Variants in DYNC2H1 observed in about 807,000 individuals in gnomAD.
The protein encoded by DYNC2H1 is dynein cytoplasmic 2 heavy chain 1.
DYNC2H1 carries 410 observed loss-of-function variants against 570.0 expected under a neutral mutation model. The observed-to-expected ratio is 0.72, with a 90% CI of 0.66 to 0.78. The LOEUF (loss-of-function observed/expected upper bound fraction) is 0.78, where lower values mean the gene tolerates loss of function less well. Ranked by LOEUF, DYNC2H1 falls within the 30% of genes least tolerant of loss-of-function variation. The pLI, the probability that DYNC2H1 is intolerant of heterozygous loss-of-function variation, is 0.00. For synonymous variants in DYNC2H1, 1,688 were observed against 1,677.6 expected (o/e 1.01, Z -0.15); for missense variants, 4,865 against 5,046.4 (o/e 0.96, Z 1.09).
intron 6 of DYNC2H1, among the ~76,000 whole-genome samples, chr11:103,119,812 A>G (rs1050442524): frequency 6.6e-6 from 1 of 152,316 alleles, no homozygotes; most frequent in East Asian, 1.9e-4. Context: ...TTAGTTATCA[A>G]TGCTGTTAGG....
At chr11:103,191,214 A>AT (rs1212601394) in intron 45 of DYNC2H1, among the ~76,000 whole-genome samples, 9 of 150,338 alleles carry the variant, frequency 6.0e-5, no homozygotes, top group South Asian at 4.2e-4. Context: ...CAATTTTTAT[A>AT]TTTTTTTTAG....
chr11:103,113,963 A>G lies in DYNC2H1; in HGVS notation c.367-140A>G, dbSNP rs1858244060. The G allele has an allele frequency of 3.9e-6, 4 of 1,030,542 alleles. No individual in the cohort carries two copies. The Admixed American group carries it at 8.9e-5, about 23-fold the overall frequency. 63.8% of individuals were successfully genotyped at this position (1,030,542 alleles called of 1,614,324 possible). On this transcript the variant is annotated intron_variant, in intron 2 of 88. Transcript: ENST00000375735. ...ATGCTTTTCATAGTTTTAACTGTTGAGAGGACTTTTTATTCTTCTTATGAA... is the reference window on the plus strand; with the variant it reads ...ATGCTTTTCATAGTTTTAACTGTTGGGAGGACTTTTTATTCTTCTTATGAA...
intron 82 of DYNC2H1, among the ~76,000 whole-genome samples, chr11:103,352,195 T>C (rs1940087791): frequency 6.6e-6 from 1 of 152,078 alleles, no homozygotes; most frequent in South Asian, 2.1e-4. Flanking sequence ...GTCTTTTCAG[T>C]GAACCAACTT....
At chr11:103,387,769 C>T (rs570288705) in intron 83 of DYNC2H1, among the ~76,000 whole-genome samples, 1 of 152,252 alleles carries the variant, frequency 6.6e-6, no homozygotes, top group East Asian at 1.9e-4. Context: ...AATCCTTTCC[C>T]CATTTCTTGT....
At chr11:103,220,475 T>C in intron 56 of DYNC2H1, 148 bp from the exon 57 acceptor site, 2 of 791,462 alleles carry the variant, frequency 2.5e-6, no homozygotes, top group Non-Finnish European at 3.7e-6. Flanking sequence ...ACACCTTGTA[T>C]GATTGAAAGC....
At chr11:103,269,427 AC>A (rs1187536702) in intron 70 of DYNC2H1, among the ~76,000 whole-genome samples, 2 of 152,176 alleles carry the variant, frequency 1.3e-5, no homozygotes, top group African/African-American at 4.8e-5. Flanking sequence ...ACATTAAACT[AC>A]CTGCTAGGTT....
At chr11:103,429,481 A>G (rs1362508229) in intron 84 of DYNC2H1, among the ~76,000 whole-genome samples, 1 of 152,112 alleles carries the variant, frequency 6.6e-6, no homozygotes, top group Non-Finnish European at 1.5e-5. Flanking sequence ...ATTGAATGCT[A>G]CAGAAATACT....
At chr11:103,309,558 A>G (rs1370063484) in intron 78 of DYNC2H1, among the ~76,000 whole-genome samples, 4 of 132,392 alleles carry the variant, frequency 3.0e-5, no homozygotes, top group South Asian at 2.4e-4. Flanking sequence ...TCATTTAAGG[A>G]AAAAAAAAAG....
intron 88 of DYNC2H1, among the ~76,000 whole-genome samples, chr11:103,476,417 A>T (rs1945549165): frequency 6.6e-6 from 1 of 152,134 alleles, no homozygotes; most frequent in South Asian, 2.1e-4. Context: ...CTAAAGTAAA[A>T]ATTCAAAGGA....
rs879453459 is a variant in DYNC2H1 at position 103,362,320 on chromosome 11, CTTTTTT to C, written c.12156+3968_12156+3973del. Among the ~76,000 whole-genome samples, 12 of 71,606 alleles carry C rather than the reference CTTTTTT, an allele frequency of 1.7e-4. No individual in the cohort carries two copies. The East Asian group carries it at 2.0e-3, about 12-fold the overall frequency. The allele number at this position is 71,606 out of a possible 152,430, so 47.0% of individuals were successfully genotyped here. A position where few individuals can be genotyped will look rare whatever the true frequency, so the allele number is the denominator to read the frequency against. On this transcript the variant is annotated intron_variant, in intron 83 of 88. Transcript: ENST00000375735. The stretch of plus-strand genomic sequence containing the variant: ...GCTTCTTAAATATATTAATTTTTTT[CTTTTTT>C]TTTTTTCTTTTTTTTTTTTTTTTAG...
rs766595996 is a variant in DYNC2H1, at chr11:103,147,808, C to G, written c.2739C>G (p.Asn913Lys). The G allele has an allele frequency of 1.9e-6, 3 of 1,609,724 alleles. No individual in the cohort carries two copies. Among genetic ancestry groups the G allele is most frequent in the African/African-American group, 2.7e-5 (2 of 74,738 alleles). Residue 913 changes from asparagine to lysine, a missense_variant, in exon 19 of 89, where the codon AAC becomes AAG. Physicochemically the swap from Asn to Lys is moderately conservative, Grantham distance 94. Coordinates refer to ENST00000375735, the MANE Select transcript of DYNC2H1 (RefSeq NM_001377.3). ...TAGATTGTTTAAATATTAATTGCAA[C>G]CCTGTGAAGACTGTGATTGATGATC... ...VKVDCLNINC[N>K]PVKTVIDDLI...
chr11:103,424,938 C>A (rs1375441398), intron 84 of DYNC2H1, among the ~76,000 whole-genome samples: 1 of 152,042 alleles, frequency 6.6e-6, no homozygotes, highest in Non-Finnish European at 1.5e-5. Context: ...ACACAGATTT[C>A]TTGTTTTGTT....
rs747028260 is a variant in DYNC2H1, at chr11:103,135,761, G to T, written c.2387G>T (p.Arg796Leu). The T allele has an allele frequency of 1.9e-6, 3 of 1,611,512 alleles. No homozygotes were observed. Among genetic ancestry groups the T allele is most frequent in the Non-Finnish European group, 2.5e-6 (3 of 1,178,772 alleles). The change falls in exon 17 of 89, where the codon CGG (arginine) becomes CTG (leucine). Residue 796 changes from arginine (R) to leucine (L), a missense_variant. By Grantham distance (102) the Arg-to-Leu change is moderately radical. This residue lies in a region of DYNC2H1 where 1,936 missense variants were observed against 1,962.1 expected (regional missense o/e 0.99). Coordinates refer to ENST00000375735, the MANE Select transcript of DYNC2H1 (RefSeq NM_001377.3). ...TTCAGGCCCCCTTTTGAAGAAATCCGGGCTAAATATTATAGAGAAATGAAG... is the reference window on the plus strand; with the variant it reads ...TTCAGGCCCCCTTTTGAAGAAATCCTGGCTAAATATTATAGAGAAATGAAG... ...LQFRPPFEEI[R>L]AKYYREMKRF... is the part of the protein sequence containing the mutation.
At chr11:103,423,114 G>A (rs1943545120) in intron 84 of DYNC2H1, among the ~76,000 whole-genome samples, 1 of 151,800 alleles carries the variant, frequency 6.6e-6, no homozygotes, top group Non-Finnish European at 1.5e-5. Flanking sequence ...ACATTATGAA[G>A]ATATTGTCAT....
In DYNC2H1 at chr11:103,235,825, G is replaced by A. The variant is rs1864197228; in HGVS notation, c.9709+12G>A. ...AGCTGGTCTTGAGAGTTTGTATTTA[G>A]TTATTCCTGATCTTGAGAGTTTGTA... On this transcript the variant is annotated intron_variant, in intron 62 of 88. Transcript: ENST00000375735. 1 of 1,609,240 alleles carries A rather than the reference G, an allele frequency of 6.2e-7. No homozygotes were observed. The highest frequency in any genetic ancestry group is 1.7e-5 in the Admixed American group (1 of 59,674).
intron 50 of DYNC2H1, among the ~76,000 whole-genome samples, chr11:103,202,266 A>G (rs1227208073): frequency 7.0e-6 from 1 of 142,414 alleles, no homozygotes; most frequent in Non-Finnish European, 1.5e-5. Context: ...GACATTGTTC[A>G]TTTTGGCTGA....
At chr11:103,222,870 A>C in intron 58 of DYNC2H1, 95 bp from the exon 59 acceptor site, 1 of 1,496,710 alleles carries the variant, frequency 6.7e-7, no homozygotes, top group South Asian at 1.2e-5. Context: ...ATTTGGGTCA[A>C]GTTAATAAGT....
At chr11:103,304,471 C>G (rs1300557985) in intron 76 of DYNC2H1, 124 bp from the exon 77 acceptor site, 1 of 1,072,158 alleles carries the variant, frequency 9.3e-7, no homozygotes, top group African/African-American at 1.6e-5. Context: ...GATTCTTCTT[C>G]CAAATTTATT....
intron 85 of DYNC2H1, among the ~76,000 whole-genome samples, chr11:103,453,153 T>C (rs1944666545): frequency 6.6e-6 from 1 of 152,076 alleles, no homozygotes; most frequent in Non-Finnish European, 1.5e-5. Flanking sequence ...TAGAAGGGAC[T>C]AGAGGTTTTA....
Sources: gnomAD v4.1 joint callset for allele counts (sites outside exome capture counted in the v4.1 genomes callset) on GRCh38, gnomAD v4.1.1 for gene constraint, gnomAD v4.1.1 regional missense constraint, MANE v1.5 for transcripts, NCBI Gene and HGNC (gene_info 2026-07-23, HGNC 2026-07-21) for gene names.